Variants in TENM1 observed in about 807,000 individuals in gnomAD.
TENM1 encodes the protein teneurin-1.
In TENM1, 35 loss-of-function variants were observed where a neutral mutation model predicts 174.8. The ratio of observed to expected loss-of-function variants is 0.20; its 90% CI spans 0.15 to 0.27. The LOEUF is 0.27. TENM1 is among the 10% of genes least tolerant of loss of function. TENM1 has a pLI of 1.00. For missense variants in TENM1, 1,633 were observed against 2,130.1 expected, an observed-to-expected ratio of 0.77 and a Z score of 4.59; for synonymous variants, 781 against 798.7, an observed-to-expected ratio of 0.98 and a Z score of 0.37.
intron 23 of TENM1, among the ~76,000 whole-genome samples, chrX:124,446,698 A>C (rs974538393): frequency 8.9e-6 from 1 of 112,542 alleles, no homozygotes; most frequent in Admixed American, 9.4e-5. Flanking sequence ...GGTAACAAGA[A>C]ACTTTAGAAA....
At chrX:124,511,198 T>C (rs1022761117) in intron 18 of TENM1, among the ~76,000 whole-genome samples, 1 of 112,321 alleles carries the variant, frequency 8.9e-6, no homozygotes, top group Non-Finnish European at 1.9e-5. Context: ...TAAACATTTA[T>C]TAACGTTGAT....
At chrX:125,160,650 G>A in the TENM1 span, among the ~76,000 whole-genome samples, 5 of 108,187 alleles carry the variant, frequency 4.6e-5, no homozygotes, top group African/African-American at 1.7e-4. Context: ...CAGTTCTATG[G>A]CATTGTCTTA....
chrX:125,089,414 A>T, the TENM1 span, among the ~76,000 whole-genome samples: 1 of 111,937 alleles, frequency 8.9e-6, no homozygotes, highest in Non-Finnish European at 1.9e-5. Flanking sequence ...AAGCAGAAGG[A>T]ATGCCTCATT....
intron 3 of TENM1, among the ~76,000 whole-genome samples, chrX:124,824,638 G>A (rs192735150): frequency 7.3e-4 from 82 of 111,976 alleles, no homozygotes; most frequent in African/African-American, 2.5e-3. Context: ...TAGTTTCCAA[G>A]ATGTTAAACT....
chrX:124,884,565 G>A (rs1230463360), intron 3 of TENM1, among the ~76,000 whole-genome samples: 1 of 111,143 alleles, frequency 9.0e-6, no homozygotes, highest in Non-Finnish European at 1.9e-5. Context: ...TCATATTGGG[G>A]ATCTTTTCCA....
chrX:124,683,170 C>T (rs1281189380), intron 5 of TENM1, among the ~76,000 whole-genome samples: 1 of 111,811 alleles, frequency 8.9e-6, no homozygotes, highest in Non-Finnish European at 1.9e-5. Flanking sequence ...ACACCACACA[C>T]AAGCCATTTG....
the TENM1 span, among the ~76,000 whole-genome samples, chrX:124,969,219 T>C: frequency 8.9e-6 from 1 of 112,693 alleles, no homozygotes; most frequent in Admixed American, 9.4e-5. Context: ...CACATGCTGC[T>C]ATGGAACAGA....
At chrX:124,875,345 T>C (rs2057179367) in intron 3 of TENM1, among the ~76,000 whole-genome samples, 1 of 110,962 alleles carries the variant, frequency 9.0e-6, no homozygotes, top group Admixed American at 9.6e-5. Context: ...TAATTTGGTG[T>C]GCTAATTTTA....
the TENM1 span, among the ~76,000 whole-genome samples, chrX:125,068,452 T>C: frequency 2.7e-5 from 3 of 112,032 alleles, no homozygotes; most frequent in Admixed American, 1.9e-4. Flanking sequence ...CCATAAAATT[T>C]ATTAATAGAG....
intron 3 of TENM1, among the ~76,000 whole-genome samples, chrX:124,749,263 T>G (rs1429145701): frequency 9.0e-6 from 1 of 111,485 alleles, no homozygotes; most frequent in Non-Finnish European, 1.9e-5. Context: ...ATAGTCTCTA[T>G]TTCATGATTT....
chrX:124,755,767 T>G (rs1005208537), intron 3 of TENM1, among the ~76,000 whole-genome samples: 2 of 108,836 alleles, frequency 1.8e-5, no homozygotes, highest in African/African-American at 6.9e-5. Context: ...TGGCTGGATA[T>G]GAAATTCTGG....
chrX:124,576,645 T>C (rs746832759), intron 11 of TENM1, among the ~76,000 whole-genome samples: 1 of 112,240 alleles, frequency 8.9e-6, no homozygotes, highest in East Asian at 2.8e-4. Flanking sequence ...CTGGAACAAT[T>C]ATACTGCATC....
chrX:125,182,884 T>C, the TENM1 span, among the ~76,000 whole-genome samples: 3 of 111,660 alleles, frequency 2.7e-5, no homozygotes, highest in Non-Finnish European at 5.6e-5. Context: ...AATCTACTGC[T>C]AAAAAAGAGG....
chrX:124,717,662 G>C (rs73545974), intron 4 of TENM1, among the ~76,000 whole-genome samples: 4,721 of 111,412 alleles, frequency 0.042, 248 homozygotes, highest in African/African-American at 0.15. Context: ...AGATTACTCT[G>C]CATCTTAAAA....
chrX:124,987,701 TTGTGTGTGTGTGTGTGTGTG>T, the TENM1 span, among the ~76,000 whole-genome samples: 419 of 91,380 alleles, frequency 4.6e-3, 4 homozygotes, highest in African/African-American at 0.016. Flanking sequence ...GTTCTGCATT[TTGTGTGTGTGTGTGTGTGTG>T]TGTGTGTGTG....
exon 32 of TENM1, chrX:124,378,434 G>C (rs779632613): frequency 9.1e-4 from 102 of 112,141 alleles, no homozygotes; most frequent in Non-Finnish European, 1.5e-3. Flanking sequence ...AGGAACTTAA[G>C]GTCCATTTTT....
intron 17 of TENM1, 34 bp from the exon 21 acceptor site, chrX:124,520,818 G>A: frequency 9.0e-7 from 1 of 1,105,532 alleles, no homozygotes; most frequent in South Asian, 2.2e-5. Flanking sequence ...AGCCAAATAG[G>A]CTCTTGTCAG....
intron 1 of TENM1, among the ~76,000 whole-genome samples, chrX:124,912,526 C>A (rs940745476): frequency 1.8e-5 from 2 of 110,432 alleles, no homozygotes; most frequent in Non-Finnish European, 3.8e-5. Flanking sequence ...CAACCCAGAG[C>A]CCACCTGCAA....
chrX:124,426,807 G>A (rs761015087), intron 23 of TENM1, among the ~76,000 whole-genome samples: 8 of 112,014 alleles, frequency 7.1e-5, no homozygotes, highest in Admixed American at 1.9e-4. Flanking sequence ...TGAGGCCATC[G>A]GATAAACATT....
Sources: allele counts gnomAD v4.1 joint callset (sites outside exome capture counted in the v4.1 genomes callset), GRCh38; gene constraint gnomAD v4.1.1; transcripts MANE v1.5; gene names NCBI Gene and HGNC (gene_info 2026-07-23, HGNC 2026-07-21).